Variants in TRPM3 observed in about 807,000 individuals in gnomAD.
TRPM3 encodes the protein long transient receptor potential channel 3.
In TRPM3, 77 loss-of-function variants were observed where a neutral mutation model predicts 181.2. That is an observed-to-expected ratio of 0.42 (90% CI 0.35 to 0.51). The LOEUF (loss-of-function observed/expected upper bound fraction) is 0.51, where lower values mean the gene tolerates loss of function less well. Ranked by LOEUF, TRPM3 falls within the 20% of genes least tolerant of loss-of-function variation. TRPM3 has a pLI of 0.01. For missense variants in TRPM3, 1,759 were observed against 2,196.7 expected (o/e 0.80, Z 3.98); for synonymous variants, 745 against 796.4 (o/e 0.94, Z 1.09).
At chr9:70,686,119 T>TAC (rs891863837) in intron 8 of TRPM3, among the ~76,000 whole-genome samples, 4 of 151,426 alleles carry the variant, frequency 2.6e-5, no homozygotes, top group African/African-American at 9.7e-5. Flanking sequence ...TGTGTATATA[T>TAC]ACACACACAT....
At chr9:70,914,275 C>A (rs1242354505) in intron 1 of TRPM3, among the ~76,000 whole-genome samples, 3 of 152,178 alleles carry the variant, frequency 2.0e-5, no homozygotes, top group Non-Finnish European at 4.4e-5. Flanking sequence ...GAACATCGTG[C>A]TATTTTGGAA....
Position 70,597,762 on chromosome 9 carries a change from G to A in TRPM3, c.3048+657C>T, listed in dbSNP as rs186272964. Among the ~76,000 whole-genome samples the A allele has an allele frequency of 1.4e-4, 21 of 152,292 alleles. No individual in the cohort carries two copies. The East Asian group carries it at 3.9e-3, about 28-fold the overall frequency. On this transcript the variant is annotated intron_variant, in intron 21 of 25. Transcript: ENST00000677713. ...TCATTCTGGAAGCTAGTTCTTAACAGACATCATTTTCCAGTAGTGTAACAA... is the reference window on the plus strand; with the variant it reads ...TCATTCTGGAAGCTAGTTCTTAACAAACATCATTTTCCAGTAGTGTAACAA...
intron 19 of TRPM3, among the ~76,000 whole-genome samples, chr9:70,608,213 C>T (rs1338151924): frequency 6.6e-6 from 1 of 152,192 alleles, no homozygotes; most frequent in African/African-American, 2.4e-5. Flanking sequence ...CCTACTCTGG[C>T]TTGGAAGACT....
chr9:71,217,202 G>A (rs1051814303), intron 1 of TRPM3, among the ~76,000 whole-genome samples: 4 of 151,384 alleles, frequency 2.6e-5, no homozygotes, highest in African/African-American at 7.3e-5. Flanking sequence ...CGCCCGCCTC[G>A]GCCTCCCAAA....
intron 1 of TRPM3, among the ~76,000 whole-genome samples, chr9:71,191,605 T>A (rs1320968988): frequency 1.3e-5 from 2 of 151,824 alleles, no homozygotes; most frequent in East Asian, 3.9e-4. Flanking sequence ...ACAGCCAATT[T>A]AAGCACTTCT....
chr9:70,984,406 G>T (rs1410295746), intron 1 of TRPM3, among the ~76,000 whole-genome samples: 1 of 152,158 alleles, frequency 6.6e-6, no homozygotes, highest in Non-Finnish European at 1.5e-5. Flanking sequence ...CAGAGGGAGA[G>T]GCAGGAGGTT....
At chr9:70,838,948 G>T (rs1267662001) in intron 5 of TRPM3, among the ~76,000 whole-genome samples, 2 of 151,996 alleles carry the variant, frequency 1.3e-5, no homozygotes, top group African/African-American at 4.8e-5. Flanking sequence ...TCTTTCAAAA[G>T]CTTTAGAGAA....
At chr9:71,432,066 C>G (rs1204250333) in intron 1 of TRPM3, among the ~76,000 whole-genome samples, 1 of 152,126 alleles carries the variant, frequency 6.6e-6, no homozygotes, top group African/African-American at 2.4e-5. Context: ...GGATTTTACC[C>G]AGGAAGAAGC....
chr9:70,932,184 T>C (rs758400143), intron 1 of TRPM3, among the ~76,000 whole-genome samples: 4 of 152,198 alleles, frequency 2.6e-5, no homozygotes, highest in Non-Finnish European at 4.4e-5. Context: ...TATGCCTCTC[T>C]ACCCTTGCTT....
intron 1 of TRPM3, among the ~76,000 whole-genome samples, chr9:71,059,010 C>CTTTTTTTT (rs1491270019): frequency 1.9e-4 from 3 of 15,926 alleles, no homozygotes; most frequent in East Asian, 2.6e-3. Flanking sequence ...TTTGTTTGTT[C>CTTTTTTTT]ATTTTTTTTT....
chr9:70,855,473 G>T (rs1437471425), intron 3 of TRPM3, among the ~76,000 whole-genome samples: 1 of 151,990 alleles, frequency 6.6e-6, no homozygotes, highest in Non-Finnish European at 1.5e-5. Flanking sequence ...CAATGAATCT[G>T]GCTACTCTCT....
chr9:71,148,454 C>T, intron 1 of TRPM3, among the ~76,000 whole-genome samples: 1 of 152,056 alleles, frequency 6.6e-6, no homozygotes, highest in African/African-American at 2.4e-5. Flanking sequence ...TTTTGAAATG[C>T]TTTGTTTTCT....
At chr9:71,417,044 A>T (rs111644420) in intron 1 of TRPM3, among the ~76,000 whole-genome samples, 130 of 152,142 alleles carry the variant, frequency 8.5e-4, no homozygotes, top group African/African-American at 2.9e-3. Flanking sequence ...GTAGAGATAT[A>T]TCACAATTCA....
intron 1 of TRPM3, among the ~76,000 whole-genome samples, chr9:71,239,473 A>G (rs540402756): frequency 6.6e-6 from 1 of 152,272 alleles, no homozygotes; most frequent in Non-Finnish European, 1.5e-5. Context: ...TGCTCCAAGT[A>G]ATACACACAA....
intron 1 of TRPM3, among the ~76,000 whole-genome samples, chr9:71,174,010 C>G (rs1411992631): frequency 1.3e-5 from 2 of 152,100 alleles, no homozygotes; most frequent in African/African-American, 4.8e-5. Context: ...GAAAAATACT[C>G]CAGAATCTGC....
intron 1 of TRPM3, among the ~76,000 whole-genome samples, chr9:71,231,259 A>G (rs1456975326): frequency 6.6e-6 from 1 of 152,184 alleles, no homozygotes; most frequent in Non-Finnish European, 1.5e-5. Context: ...TCAATATGAG[A>G]GTCTTATAAG....
At chr9:70,870,818 C>T (rs1268958471) in intron 1 of TRPM3, among the ~76,000 whole-genome samples, 1 of 151,936 alleles carries the variant, frequency 6.6e-6, no homozygotes, top group African/African-American at 2.4e-5. Flanking sequence ...AGGTAGGAAA[C>T]ATTTTTAAGG....
At chr9:70,628,219 C>T (rs755278759) in intron 12 of TRPM3, among the ~76,000 whole-genome samples, 2 of 152,140 alleles carry the variant, frequency 1.3e-5, no homozygotes, top group Non-Finnish European at 2.9e-5. Context: ...TCATTCATAG[C>T]CACAGGGCTC....
intron 6 of TRPM3, among the ~76,000 whole-genome samples, chr9:70,796,098 C>T (rs1458334953): frequency 6.6e-6 from 1 of 152,182 alleles, no homozygotes; most frequent in Non-Finnish European, 1.5e-5. Flanking sequence ...CAGATGTTGC[C>T]TTCTCAGATG....
Sources: gnomAD v4.1 joint callset for allele counts (sites outside exome capture counted in the v4.1 genomes callset) on GRCh38, gnomAD v4.1.1 for gene constraint, MANE v1.5 for transcripts, NCBI Gene and HGNC (gene_info 2026-07-23, HGNC 2026-07-21) for gene names.